The following CSMD1 variants were observed in gnomAD, a reference collection of about 807,000 sequenced individuals.
CSMD1 encodes CUB and sushi domain-containing protein 1.
CSMD1 carries 213 observed loss-of-function variants against 417.5 expected under a neutral mutation model. The observed-to-expected ratio is 0.51, with a 90% confidence interval of 0.46 to 0.57. The LOEUF (loss-of-function observed/expected upper bound fraction) is 0.57, where lower values mean the gene tolerates loss of function less well. Among genes scored for constraint, CSMD1 ranks in the 20% least tolerant of loss-of-function variants. CSMD1 has a pLI of 0.00. For missense variants in CSMD1, 6,923 were observed against 4,529.7 expected (o/e 1.53, Z -15.17); for synonymous variants, 2,862 against 1,736.8 (o/e 1.65, Z -16.11).
intron 5 of CSMD1, among the ~76,000 whole-genome samples, chr8:3,841,782 T>A (rs909415426): frequency 6.6e-6 from 1 of 151,942 alleles, no homozygotes; most frequent in East Asian, 1.9e-4. Flanking sequence ...CAATGAAAAT[T>A]AGTAAATACG....
At chr8:4,219,103 G>T (rs1800864626) in intron 3 of CSMD1, among the ~76,000 whole-genome samples, 1 of 152,016 alleles carries the variant, frequency 6.6e-6, no homozygotes, top group African/African-American at 2.4e-5. Flanking sequence ...TAACACCCAG[G>T]GTAAATGATC....
intron 1 of CSMD1, among the ~76,000 whole-genome samples, chr8:4,850,381 T>TATA (rs1491193034): frequency 2.1e-3 from 228 of 110,760 alleles, no homozygotes; most frequent in Admixed American, 4.8e-3. Flanking sequence ...ATCCAATTTA[T>TATA]CTTTTTTTTT....
At chr8:3,687,865 G>A (rs541644831) in intron 7 of CSMD1, among the ~76,000 whole-genome samples, 1 of 152,192 alleles carries the variant, frequency 6.6e-6, no homozygotes, top group African/African-American at 2.4e-5. Context: ...ACTCAGTGAG[G>A]ACCAGAGTCC....
chr8:3,592,702 G>C (rs1199364817), intron 8 of CSMD1, among the ~76,000 whole-genome samples: 1 of 150,200 alleles, frequency 6.7e-6, no homozygotes, highest in Non-Finnish European at 1.5e-5. Flanking sequence ...CCGTGTGTGT[G>C]TGTGTGTGAG....
intron 5 of CSMD1, among the ~76,000 whole-genome samples, chr8:3,902,423 T>G (rs1215530034): frequency 2.0e-5 from 3 of 152,162 alleles, no homozygotes; most frequent in Admixed American, 2.0e-4. Context: ...CCATCTTTTT[T>G]GCTACCAGGG....
chr8:4,079,814 C>T (rs1339642498), intron 3 of CSMD1, among the ~76,000 whole-genome samples: 1 of 152,080 alleles, frequency 6.6e-6, no homozygotes, highest in Non-Finnish European at 1.5e-5. Flanking sequence ...GGAGTGACAT[C>T]ACGAGAGAAA....
At chr8:3,984,756 T>C (rs1268732988) in intron 5 of CSMD1, among the ~76,000 whole-genome samples, 1 of 128,972 alleles carries the variant, frequency 7.8e-6, no homozygotes, top group East Asian at 2.2e-4. Flanking sequence ...TATATATTTG[T>C]ATGTATTTGT....
intron 4 of CSMD1, among the ~76,000 whole-genome samples, chr8:4,013,838 A>C (rs2688276): frequency 0.59 from 90,038 of 151,916 alleles, 26,919 homozygotes; most frequent in South Asian, 0.67. Context: ...GGGTCTTTTG[A>C]TCTACAGTGA....
intron 25 of CSMD1, among the ~76,000 whole-genome samples, chr8:3,298,646 G>A (rs531114416): frequency 6.6e-6 from 1 of 152,300 alleles, no homozygotes; most frequent in African/African-American, 2.4e-5. Flanking sequence ...TAGAGACGGA[G>A]TTTCACCATG....
chr8:3,315,437 A>AGTGTGTGTGTGTGTGT (rs35460301), intron 23 of CSMD1, among the ~76,000 whole-genome samples: 188 of 124,162 alleles, frequency 1.5e-3, no homozygotes, highest in African/African-American at 4.3e-3. Context: ...AGGTGAAGTG[A>AGTGTGTGTGTGTGTGT]GTGTGTGTGT....
At chr8:3,262,706 C>T (rs994547529) in intron 26 of CSMD1, among the ~76,000 whole-genome samples, 6 of 151,960 alleles carry the variant, frequency 3.9e-5, no homozygotes, top group Admixed American at 2.6e-4. Flanking sequence ...ATCTGCCCCT[C>T]GAGAGTTCAT....
rs923530106 is a variant in CSMD1 at position 4,438,493 on chromosome 8, C to A, written c.303-18428G>T. On this transcript the variant is annotated intron_variant, in intron 2 of 69. Transcript: ENST00000635120. Reference sequence around the variant, plus strand: ...GGACCAACGCTTGGGTTCCACAGCACCTGGCTGTAGGAAGATGCAGGTGGA... The same window carrying A: ...GGACCAACGCTTGGGTTCCACAGCAACTGGCTGTAGGAAGATGCAGGTGGA... Among the ~76,000 whole-genome samples, 4 of 152,328 alleles carry A rather than the reference C, an allele frequency of 2.6e-5. No homozygotes were observed. The East Asian group carries it at 7.7e-4, about 29-fold the overall frequency.
At chr8:4,418,863 G>A (rs1028062542) in intron 3 of CSMD1, among the ~76,000 whole-genome samples, 2 of 152,086 alleles carry the variant, frequency 1.3e-5, no homozygotes, top group Non-Finnish European at 2.9e-5. Flanking sequence ...CAAATGCGGT[G>A]GCATGAAAGA....
intron 49 of CSMD1, among the ~76,000 whole-genome samples, chr8:3,068,644 A>G (rs1189578828): frequency 1.3e-5 from 2 of 152,174 alleles, no homozygotes; most frequent in East Asian, 1.9e-4. Flanking sequence ...TCTTTCAAAC[A>G]TGGCAGAAGG....
intron 1 of CSMD1, among the ~76,000 whole-genome samples, chr8:4,939,209 G>A (rs1183316225): frequency 6.6e-6 from 1 of 152,206 alleles, no homozygotes; most frequent in African/African-American, 2.4e-5. Flanking sequence ...TGGTGGGAAT[G>A]TAAATTAGTA....
intron 5 of CSMD1, among the ~76,000 whole-genome samples, chr8:3,773,807 C>T (rs1053124105): frequency 3.3e-5 from 5 of 152,158 alleles, no homozygotes; most frequent in Non-Finnish European, 7.3e-5. Flanking sequence ...GGCCCATCTA[C>T]ATGCTTCAAC....
chr8:3,673,303 G>C (rs1447685329), intron 7 of CSMD1, among the ~76,000 whole-genome samples: 1 of 152,124 alleles, frequency 6.6e-6, no homozygotes, highest in Non-Finnish European at 1.5e-5. Context: ...CTACAAGCCT[G>C]CTTAACAGGT....
intron 3 of CSMD1, among the ~76,000 whole-genome samples, chr8:4,309,328 T>C (rs1459756811): frequency 6.6e-6 from 1 of 152,154 alleles, no homozygotes; most frequent in Non-Finnish European, 1.5e-5. Flanking sequence ...TTTTATAAAA[T>C]GAGATGAGAA....
chr8:3,427,153 G>T (rs1255066598), intron 12 of CSMD1, among the ~76,000 whole-genome samples: 1 of 152,106 alleles, frequency 6.6e-6, no homozygotes, highest in East Asian at 1.9e-4. Flanking sequence ...GGATCATAGG[G>T]ACTAAAAATC....
Sources: gnomAD v4.1 joint callset for allele counts (sites outside exome capture counted in the v4.1 genomes callset) on GRCh38, gnomAD v4.1.1 for gene constraint, MANE v1.5 for transcripts, NCBI Gene and HGNC (gene_info 2026-07-23, HGNC 2026-07-21) for gene names.